ERC2: variants seen among roughly 807,000 people sequenced by gnomAD.
The protein encoded by ERC2 is ELKS/RAB6-interacting/CAST family member 2.
ERC2 carries 42 observed loss-of-function variants against 114.8 expected under a neutral mutation model. The ratio of observed to expected loss-of-function variants is 0.37; its 90% CI spans 0.29 to 0.47. The LOEUF (loss-of-function observed/expected upper bound fraction) is 0.47, where lower values mean the gene tolerates loss of function less well. ERC2 is among the 20% of genes least tolerant of loss of function. ERC2 has a pLI of 0.99. For synonymous variants in ERC2, 454 were observed against 425.5 expected, an observed-to-expected ratio of 1.07 and a Z score of -0.82; for missense variants, 939 against 1,150.7, an observed-to-expected ratio of 0.82 and a Z score of 2.66.
intron 2 of ERC2, among the ~76,000 whole-genome samples, chr3:56,409,888 A>G (rs960089762): frequency 2.6e-5 from 4 of 152,158 alleles, no homozygotes; most frequent in African/African-American, 9.7e-5. Context: ...ACGCTATCTC[A>G]TGTAGTCTTC....
At chr3:56,370,595 G>GTTTTTTT (rs71621814) in intron 2 of ERC2, among the ~76,000 whole-genome samples, 1 of 124,056 alleles carries the variant, frequency 8.1e-6, no homozygotes, top group Non-Finnish European at 1.7e-5. Flanking sequence ...GGGTTTTTTT[G>GTTTTTTT]TTTTTTTTTT....
chr3:55,834,457 CA>C (rs935811918), intron 14 of ERC2, among the ~76,000 whole-genome samples: 112 of 152,228 alleles, frequency 7.4e-4, no homozygotes, highest in African/African-American at 2.6e-3. Context: ...TTAAGAAACT[CA>C]CTCAAAACCA....
At chr3:56,464,899 G>T (rs1226225329) in intron 1 of ERC2, among the ~76,000 whole-genome samples, 1 of 151,848 alleles carries the variant, frequency 6.6e-6, no homozygotes, top group Non-Finnish European at 1.5e-5. Flanking sequence ...AAAAAAAAAG[G>T]CTAGAGGGTG....
Position 56,095,664 on chromosome 3 carries a change from G to A in ERC2, c.1474-14680C>T, listed in dbSNP as rs151054791. Among the ~76,000 whole-genome samples, 18 of 152,218 alleles carry A rather than the reference G, an allele frequency of 1.2e-4. No individual in the cohort carries two copies. In the East Asian group the frequency reaches 3.3e-3, roughly 28 times the overall value. On this transcript the variant is annotated intron_variant, in intron 6 of 17. Coordinates refer to ENST00000288221, the MANE Select transcript of ERC2 (RefSeq NM_015576.3). ...CAATTTCACTTGTAAACTAACCAAG[G>A]AATCCCACCCAAAGATTCCTATGAG...
chr3:55,961,667 A>T (rs534174638), intron 12 of ERC2, among the ~76,000 whole-genome samples: 18 of 151,668 alleles, frequency 1.2e-4, no homozygotes, highest in African/African-American at 4.1e-4. Context: ...AATGGATGAA[A>T]CAAGTCCCCC....
Position 55,833,480 on chromosome 3 carries a change from C to A in ERC2, c.2564+54909G>T, listed in dbSNP as rs552069606. 7.0e-3 allele frequency among the ~76,000 whole-genome samples: 1,072 copies of A among 152,218 alleles called. 5 individuals carry two copies. The highest frequency in any genetic ancestry group is 0.012 in the Non-Finnish European group (827 of 68,022). ...CAACATTCTTAAAGAAAAGAATTTT[C>A]AACCCAGAATTTCATATCCAGCCAA... On this transcript the variant is annotated intron_variant, in intron 14 of 17. Coordinates refer to ENST00000288221, the MANE Select transcript of ERC2 (RefSeq NM_015576.3).
intron 13 of ERC2, among the ~76,000 whole-genome samples, chr3:55,890,403 A>T (rs971141214): frequency 6.6e-6 from 1 of 152,196 alleles, no homozygotes; most frequent in Non-Finnish European, 1.5e-5. Flanking sequence ...TATTTCAAAC[A>T]TAATATTGAT....
intron 1 of ERC2, among the ~76,000 whole-genome samples, chr3:56,452,411 A>C (rs1210510996): frequency 6.6e-6 from 1 of 152,252 alleles, no homozygotes; most frequent in Non-Finnish European, 1.5e-5. Flanking sequence ...TCAGCATCAC[A>C]TTCTAATTAT....
At chr3:56,053,310 AC>A (rs2075856955) in intron 7 of ERC2, among the ~76,000 whole-genome samples, 1 of 152,140 alleles carries the variant, frequency 6.6e-6, no homozygotes, top group Non-Finnish European at 1.5e-5. Flanking sequence ...GAGCAGTATA[AC>A]GGGGATGGAA....
intron 7 of ERC2, among the ~76,000 whole-genome samples, chr3:56,028,639 T>G (rs2074191533): frequency 6.6e-6 from 1 of 152,132 alleles, no homozygotes; most frequent in Non-Finnish European, 1.5e-5. Context: ...TGTAGTTAAA[T>G]TTTGTATGTT....
At chr3:55,782,766 C>T (rs767352209) in intron 14 of ERC2, among the ~76,000 whole-genome samples, 1 of 152,228 alleles carries the variant, frequency 6.6e-6, no homozygotes, top group Non-Finnish European at 1.5e-5. Context: ...CCCCCTCTCC[C>T]CCACATTCAG....
chr3:56,202,995 A>G (rs183735676), intron 3 of ERC2, among the ~76,000 whole-genome samples: 24 of 152,330 alleles, frequency 1.6e-4, no homozygotes, highest in African/African-American at 5.8e-4. Flanking sequence ...GCATTCCACA[A>G]CCACTGACAT....
chr3:56,022,498 T>A (rs375027335), intron 7 of ERC2, among the ~76,000 whole-genome samples: 208 of 152,316 alleles, frequency 1.4e-3, no homozygotes, highest in African/African-American at 4.7e-3. Context: ...CAAAGATGAC[T>A]GAATTCTTAA....
At chr3:56,453,807 G>A (rs531703389) in intron 1 of ERC2, among the ~76,000 whole-genome samples, 57 of 152,274 alleles carry the variant, frequency 3.7e-4, no homozygotes, top group African/African-American at 1.3e-3. Context: ...TGGAAAAGCC[G>A]AAAGGAGGAT....
At chr3:56,199,302 C>T (rs1459129915) in intron 3 of ERC2, among the ~76,000 whole-genome samples, 1 of 151,838 alleles carries the variant, frequency 6.6e-6, no homozygotes, top group Non-Finnish European at 1.5e-5. Flanking sequence ...GAAAAAGAAC[C>T]CAGTGGGGAA....
intron 3 of ERC2, among the ~76,000 whole-genome samples, chr3:56,221,352 C>T (rs1250455120): frequency 7.1e-6 from 1 of 141,540 alleles, no homozygotes; most frequent in Non-Finnish European, 1.5e-5. Context: ...TTATAGAATT[C>T]AAGAGATATT....
At chr3:56,444,589 T>G (rs2062474990) in intron 1 of ERC2, among the ~76,000 whole-genome samples, 1 of 152,184 alleles carries the variant, frequency 6.6e-6, no homozygotes, top group Non-Finnish European at 1.5e-5. Flanking sequence ...TTAAAAGGCT[T>G]AAGGACTCTT....
intron 3 of ERC2, among the ~76,000 whole-genome samples, chr3:56,217,177 T>C (rs1436852957): frequency 6.6e-6 from 1 of 152,124 alleles, no homozygotes; most frequent in East Asian, 1.9e-4. Context: ...GGGTATTCAA[T>C]TAGGAAAAGA....
At chr3:56,379,514 T>C (rs1308907563) in intron 2 of ERC2, among the ~76,000 whole-genome samples, 1 of 152,162 alleles carries the variant, frequency 6.6e-6, no homozygotes, top group African/African-American at 2.4e-5. Context: ...CATTTACTTA[T>C]GATGAAACTG....
Sources: allele counts gnomAD v4.1 joint callset (sites outside exome capture counted in the v4.1 genomes callset), GRCh38; gene constraint gnomAD v4.1.1; transcripts MANE v1.5; gene names NCBI Gene and HGNC (gene_info 2026-07-23, HGNC 2026-07-21).